CD36: variants seen among roughly 807,000 people sequenced by gnomAD.
The protein encoded by CD36 is platelet glycoprotein 4.
Under a neutral mutation model 55.2 loss-of-function variants are expected in CD36, and 119 were observed. That is an observed-to-expected ratio of 2.15 (90% confidence interval 1.86 to 2.51). The LOEUF (loss-of-function observed/expected upper bound fraction) is 2.51, where lower values mean the gene tolerates loss of function less well. Among genes scored for constraint, CD36 ranks in the 30% most tolerant of loss-of-function variants. CD36 has a pLI of 0.00. For synonymous variants in CD36, 186 were observed against 193.6 expected (o/e 0.96, Z 0.33); for missense variants, 819 against 555.5 (o/e 1.47, Z -4.77).
intron 7 of CD36, among the ~76,000 whole-genome samples, chr7:80,665,072 T>TATCA (rs1554343638): frequency 6.6e-6 from 1 of 152,066 alleles, no homozygotes; most frequent in Non-Finnish European, 1.5e-5. Flanking sequence ...TTTTTAACTT[T>TATCA]ATCAATGCAA....
At chr7:80,662,075 G>A (rs1222008191) in intron 5 of CD36, among the ~76,000 whole-genome samples, 1 of 152,152 alleles carries the variant, frequency 6.6e-6, no homozygotes, top group Admixed American at 6.5e-5. Context: ...AAGAAAAATA[G>A]AAAACGGAAA....
chr7:80,612,711 T>C (rs1414419981), intron 1 of CD36, among the ~76,000 whole-genome samples: 1 of 152,172 alleles, frequency 6.6e-6, no homozygotes, highest in Non-Finnish European at 1.5e-5. Flanking sequence ...CTTTTGTTGT[T>C]TTTATTTCTT....
intron 1 of CD36, among the ~76,000 whole-genome samples, chr7:80,607,271 A>G (rs1200944152): frequency 7.3e-6 from 1 of 137,208 alleles, no homozygotes; most frequent in Non-Finnish European, 1.5e-5. Context: ...GGTCCTTTGA[A>G]AAAAAGAAGA....
intron 1 of CD36, among the ~76,000 whole-genome samples, chr7:80,613,312 G>T (rs1323438574): frequency 1.3e-5 from 2 of 151,940 alleles, no homozygotes; most frequent in Non-Finnish European, 2.9e-5. Context: ...GGAGGTGAGG[G>T]TTGCTCTTAA....
intron 1 of CD36, 136 bp from the exon 2 acceptor site, chr7:80,645,952 A>G (rs530536408): frequency 6.6e-6 from 1 of 152,318 alleles, no homozygotes; most frequent in African/African-American, 2.4e-5. Context: ...CAAGCCATTC[A>G]GGCCTGAACT....
rs3211908 is a variant in CD36 at position 80,664,600 on chromosome 7, C to T, written c.701+103C>T. 0.063 allele frequency: 47,979 copies of T among 759,756 alleles called. 2,017 individuals carry two copies. The highest frequency in any genetic ancestry group is 0.17 in the East Asian group (6,861 of 39,756). The allele number at this position is 759,756 out of a possible 1,614,324, so 47.1% of individuals were successfully genotyped here. ...AAGACATAGGCATCAACCTATAGAA[C>T]AGACCTGGTTATAATTCAGCTCTGG... On this transcript the variant is annotated intron_variant, in intron 7 of 14. Coordinates refer to ENST00000447544, the MANE Select transcript of CD36 (RefSeq NM_001001548.3).
At chr7:80,611,667 A>T (rs1792884041) in intron 1 of CD36, among the ~76,000 whole-genome samples, 1 of 152,140 alleles carries the variant, frequency 6.6e-6, no homozygotes, top group African/African-American at 2.4e-5. Context: ...TAGAATTTGG[A>T]CTTCGGTTGG....
chr7:80,651,222 C>T (rs941822642), intron 3 of CD36, among the ~76,000 whole-genome samples: 13 of 151,882 alleles, frequency 8.6e-5, no homozygotes, highest in South Asian at 4.2e-4. Context: ...ACAATAGACA[C>T]CTGGGGCTAA....
intron 9 of CD36, chr7:80,670,674 T>C: frequency 2.7e-6 from 1 of 375,688 alleles, no homozygotes; most frequent in South Asian, 2.8e-5. Context: ...CTATTTCATT[T>C]AAACTGATCA....
At chr7:80,632,995 A>G (rs1177335469) in intron 1 of CD36, among the ~76,000 whole-genome samples, 1 of 151,930 alleles carries the variant, frequency 6.6e-6, no homozygotes, top group Admixed American at 6.6e-5. Flanking sequence ...TGTTTTGGCT[A>G]TGAATTATTG....
At chr7:80,646,923 T>G (rs764034112) in intron 3 of CD36, 63 bp downstream of exon 3, 5 of 1,583,048 alleles carry the variant, frequency 3.2e-6, no homozygotes, top group Non-Finnish European at 4.3e-6. Flanking sequence ...CTTTTTTTGC[T>G]TTGTATTTAC....
chr7:80,663,601 A>G (rs901585618), intron 6 of CD36, among the ~76,000 whole-genome samples: 1 of 151,862 alleles, frequency 6.6e-6, no homozygotes, highest in Non-Finnish European at 1.5e-5. Flanking sequence ...AAGTTAGCCT[A>G]ATGTTCACAT....
chr7:80,667,185 T>G (rs1797170889), intron 8 of CD36, among the ~76,000 whole-genome samples: 1 of 152,094 alleles, frequency 6.6e-6, no homozygotes, highest in African/African-American at 2.4e-5. Flanking sequence ...CCCAGCACTT[T>G]GGGAGACCAA....
chr7:80,674,361 G>A, intron 14 of CD36: 1 of 511,102 alleles, frequency 2.0e-6, no homozygotes. Flanking sequence ...GATAAAAGAT[G>A]TACTTGTGAC....
chr7:80,677,630 AAG>A lies in CD36; in HGVS notation c.*1249_*1250del. ...GTATCTGTCCAAGATATTAATATGTAAGATAACATTGTAGACATGTTCTTCTG... is the reference window on the plus strand; with the variant it reads ...GTATCTGTCCAAGATATTAATATGTAATAACATTGTAGACATGTTCTTCTG... On this transcript the variant is annotated 3_prime_UTR_variant, in exon 15 of 15. Transcript: ENST00000447544. 1 of 152,312 alleles carries A rather than the reference AAG, an allele frequency of 6.6e-6. No homozygotes were observed. The highest frequency in any genetic ancestry group is 1.9e-4 in the East Asian group (1 of 5,176). The allele number at this position is 152,312 out of a possible 1,614,324, so 9.4% of individuals were successfully genotyped here. A position where few individuals can be genotyped will look rare whatever the true frequency, so the allele number is the denominator to read the frequency against.
chr7:80,667,629 T>C (rs902965124), intron 8 of CD36, among the ~76,000 whole-genome samples: 1 of 145,600 alleles, frequency 6.9e-6, no homozygotes, highest in African/African-American at 2.4e-5. Context: ...GCCAAAGGTA[T>C]GATTATTGAC....
chr7:80,634,091 C>T (rs960137847), upstream of CD36, among the ~76,000 whole-genome samples: 2 of 151,880 alleles, frequency 1.3e-5, no homozygotes, highest in African/African-American at 4.8e-5. Context: ...AGTATAGGCC[C>T]TTCAGTCAGT....
intron 1 of CD36, among the ~76,000 whole-genome samples, chr7:80,616,339 G>A (rs1245762064): frequency 1.3e-5 from 2 of 151,782 alleles, no homozygotes; most frequent in Non-Finnish European, 2.9e-5. Context: ...ATTGAACTAT[G>A]GTTTCTACTG....
intron 12 of CD36, chr7:80,673,114 A>G (rs1349565182): frequency 1.9e-6 from 1 of 522,358 alleles, no homozygotes; most frequent in African/African-American, 1.9e-5. Context: ...TGGAATTCAT[A>G]TTTCAGTTCC....
Sources: allele counts gnomAD v4.1 joint callset (sites outside exome capture counted in the v4.1 genomes callset), GRCh38; gene constraint gnomAD v4.1.1; transcripts MANE v1.5; gene names NCBI Gene and HGNC (gene_info 2026-07-23, HGNC 2026-07-21).